C3orf22: variants seen among roughly 807,000 people sequenced by gnomAD.
The protein encoded by C3orf22 is chromosome 3 open reading frame 22.
C3orf22 carries 7 observed loss-of-function variants against 10.8 expected under a neutral mutation model. That is an observed-to-expected ratio of 0.65 (90% CI 0.37 to 1.22). C3orf22 has a LOEUF of 1.22. Ranked by LOEUF, C3orf22 falls within the 50% of genes most tolerant of loss-of-function variation. The pLI is 0.02. For synonymous variants in C3orf22, 79 were observed against 78.9 expected (o/e 1.00, Z 0.00); for missense variants, 173 against 177.0 (o/e 0.98, Z 0.13).
chr3:126,529,898 TC>T (rs963088586), intron 4 of C3orf22, among the ~76,000 whole-genome samples: 10 of 152,246 alleles, frequency 6.6e-5, no homozygotes, highest in African/African-American at 2.4e-4. Context: ...TGCCTGGCTC[TC>T]CCTGTTCTGT....
chr3:126,550,003 C>A lies in C3orf22; in HGVS notation c.291G>T (p.Leu97=). Residue 97 remains leucine (L), a synonymous_variant, in exon 4 of 4, where the codon CTG becomes CTT. Transcript: ENST00000318225. ...APLPAPSPPP[L]CNLWELKLLS... ...GCAACTTGAGTTCCCAAAGGTTGCA[C>A]AGTGGAGGTGGTGATGGTGCTGGTA... 6.2e-7 allele frequency: 1 copy of A among 1,614,088 alleles called. No individual in the cohort carries two copies.
intron 4 of C3orf22, among the ~76,000 whole-genome samples, chr3:126,535,990 G>A (rs1290488707): frequency 6.6e-6 from 1 of 152,196 alleles, no homozygotes; most frequent in Non-Finnish European, 1.5e-5. Context: ...GGTGGGCTGG[G>A]TATCACCTTC....
downstream of C3orf22, chr3:126,549,584 C>T (rs1183899223): frequency 1.6e-6 from 2 of 1,235,074 alleles, no homozygotes; most frequent in Admixed American, 2.2e-5. Context: ...GACATTCATG[C>T]TCTTTTTAAT....
At chr3:126,530,738 C>T (rs1021143449) in intron 4 of C3orf22, among the ~76,000 whole-genome samples, 6 of 152,236 alleles carry the variant, frequency 3.9e-5, no homozygotes, top group East Asian at 1.9e-4. Flanking sequence ...TTTCTGATGA[C>T]GGTGTCGTTC....
chr3:126,532,049 T>G lies in C3orf22; in HGVS notation c.287-2677A>C, dbSNP rs1218161908. Among the ~76,000 whole-genome samples the G allele has an allele frequency of 3.9e-5, 6 of 152,364 alleles. No homozygotes were observed. In the East Asian group the frequency reaches 1.2e-3, roughly 29 times the overall value. On this transcript the variant is annotated intron_variant and NMD_transcript_variant, in intron 4 of 5. Transcript: ENST00000505070. Reference sequence around the variant, plus strand: ...GATGTTGCGCACCTTTTCATGTGCTTATTGCTGTAGGTATATCTTTGGAGA... The same window carrying G: ...GATGTTGCGCACCTTTTCATGTGCTGATTGCTGTAGGTATATCTTTGGAGA...
At chr3:126,536,079 C>G (rs1326175151) in intron 4 of C3orf22, among the ~76,000 whole-genome samples, 1 of 152,154 alleles carries the variant, frequency 6.6e-6, no homozygotes, top group Non-Finnish European at 1.5e-5. Flanking sequence ...AGATACTACC[C>G]TGATGTAATT....
downstream of C3orf22, among the ~76,000 whole-genome samples, chr3:126,548,037 T>C (rs140136215): frequency 1.7e-3 from 261 of 152,356 alleles, no homozygotes; most frequent in African/African-American, 5.8e-3. Flanking sequence ...CAATGTGTTA[T>C]TTCAAGGAGT....
downstream of C3orf22, among the ~76,000 whole-genome samples, chr3:126,545,838 G>T (rs1302199795): frequency 6.6e-6 from 1 of 152,218 alleles, no homozygotes; most frequent in Non-Finnish European, 1.5e-5. Context: ...CCAGAGGAAG[G>T]GGGCTGAGGG....
downstream of C3orf22, among the ~76,000 whole-genome samples, chr3:126,548,445 G>A (rs979781227): frequency 1.3e-5 from 2 of 152,242 alleles, no homozygotes; most frequent in Non-Finnish European, 2.9e-5. Flanking sequence ...TGGTAAACAT[G>A]CGTTGCTGTA....
intron 1 of C3orf22, among the ~76,000 whole-genome samples, chr3:126,555,895 G>A (rs1937318210): frequency 6.6e-6 from 1 of 152,184 alleles, no homozygotes; most frequent in Non-Finnish European, 1.5e-5. Context: ...ACAGGGCCAT[G>A]TAGTGTGCCT....
intron 4 of C3orf22, among the ~76,000 whole-genome samples, chr3:126,539,772 AG>A (rs1267722209): frequency 3.2e-5 from 2 of 63,468 alleles, no homozygotes; most frequent in African/African-American, 7.6e-5. Flanking sequence ...CCACACACAC[AG>A]CACACACACA....
chr3:126,550,137 T>C (rs1937149393), intron 3 of C3orf22, 59 bp from the exon 4 acceptor site: 1 of 1,593,464 alleles, frequency 6.3e-7, no homozygotes, highest in Non-Finnish European at 8.6e-7. Context: ...CTGCAGCCAT[T>C]GCAGCCCAGA....
At chr3:126,549,632 C>T (rs1937134633), downstream of C3orf22, 1 of 1,478,698 alleles carries the variant, frequency 6.8e-7, no homozygotes, top group Non-Finnish European at 9.0e-7. Context: ...ATTATTACAA[C>T]AATTTTAGAG....
rs148091994 is a variant in C3orf22, at chr3:126,549,895, C to T, written c.399G>A (p.Ala133=). Residue 133 remains alanine, a synonymous_variant, in exon 4 of 4, where the codon GCG becomes GCA. Transcript: ENST00000318225. ...AGGAGAGGCCCCTGGACAGCCCTGC[C>T]GCCTTGCTGGTCTGGGGGCAGGCAG... ...TEAACPQTSK[A]AGLSRGLS is the part of the protein sequence containing the mutation. 499 of 1,613,734 alleles carry T rather than the reference C, an allele frequency of 3.1e-4. 2 individuals carry two copies. The African/African-American group carries it at 4.3e-3, about 14-fold the overall frequency.
At chr3:126,533,531 A>G (rs964296888) in intron 4 of C3orf22, among the ~76,000 whole-genome samples, 11 of 152,054 alleles carry the variant, frequency 7.2e-5, no homozygotes, top group Non-Finnish European at 1.6e-4. Context: ...ACATTGATTG[A>G]TTTGTGTATA....
intron 4 of C3orf22, chr3:126,529,448 T>G (rs1231057843): frequency 1.5e-4 from 183 of 1,228,842 alleles, no homozygotes; most frequent in Non-Finnish European, 1.9e-4. Context: ...GTGTTAAGGG[T>G]GCAGATGCTG....
downstream of C3orf22, among the ~76,000 whole-genome samples, chr3:126,549,261 C>CAA (rs1491439136): frequency 6.9e-6 from 1 of 144,424 alleles, no homozygotes; most frequent in African/African-American, 2.7e-5. Context: ...GCCCCCCCCC[C>CAA]CACACACACA....
chr3:126,544,867 C>G (rs923520962), downstream of C3orf22, among the ~76,000 whole-genome samples: 4 of 152,258 alleles, frequency 2.6e-5, no homozygotes, highest in African/African-American at 9.6e-5. Context: ...AGACGCTGTG[C>G]CCACCACATG....
At chr3:126,548,528 A>G (rs996894399), downstream of C3orf22, among the ~76,000 whole-genome samples, 1 of 152,186 alleles carries the variant, frequency 6.6e-6, no homozygotes, top group African/African-American at 2.4e-5. Flanking sequence ...AGTCCAAATG[A>G]AGATCAGCCT....
Sources: gnomAD v4.1 joint callset for allele counts (sites outside exome capture counted in the v4.1 genomes callset) on GRCh38, gnomAD v4.1.1 for gene constraint, MANE v1.5 for transcripts, NCBI Gene and HGNC (gene_info 2026-07-23, HGNC 2026-07-21) for gene names.